The following SENP1 variants were observed in gnomAD, a reference collection of about 807,000 sequenced individuals.
The protein encoded by SENP1 is SUMO specific peptidase 1.
Under a neutral mutation model 93.0 loss-of-function variants are expected in SENP1, and 21 were observed. The observed-to-expected ratio is 0.23, with a 90% CI of 0.16 to 0.33. The LOEUF (loss-of-function observed/expected upper bound fraction) is 0.33. SENP1 is among the 10% of genes least tolerant of loss of function. The pLI is 1.00. For synonymous variants in SENP1, 256 were observed against 259.6 expected, an observed-to-expected ratio of 0.99 and a Z score of 0.13; for missense variants, 591 against 758.7, an observed-to-expected ratio of 0.78 and a Z score of 2.60.
chr12:48,099,977 T>C (rs146923563), intron 2 of SENP1, among the ~76,000 whole-genome samples: 1 of 152,154 alleles, frequency 6.6e-6, no homozygotes, highest in African/African-American at 2.4e-5. Context: ...GCAATAAACG[T>C]AACAGAATTC....
chr12:48,059,204 T>C (rs1942792772), intron 13 of SENP1, among the ~76,000 whole-genome samples: 1 of 152,144 alleles, frequency 6.6e-6, no homozygotes, highest in African/African-American at 2.4e-5. Flanking sequence ...ACACCACCTA[T>C]GCCCCCACCT....
At position 48,088,804 on chromosome 12, in the gene SENP1, G is replaced by A. The variant is rs1353472495; in HGVS notation, c.377C>T (p.Ser126Leu). Residue 126 changes from serine (S) to leucine (L), a missense_variant, in exon 5 of 18, where the codon TCA becomes TTA. Ser to Leu is a moderately radical substitution (Grantham distance 145). Coordinates refer to ENST00000549518, the MANE Select transcript of SENP1 (RefSeq NM_001267594.2). ...ACTAAGATGACAAAATACGAACCTTGAGGTCTTTCGGGTTTCGAGGTAAAG... is the reference window on the plus strand; with the variant it reads ...ACTAAGATGACAAAATACGAACCTTAAGGTCTTTCGGGTTTCGAGGTAAAG... ...RSLYLETRKT[S>L]SGLSNSFAGK... 2 of 1,609,112 alleles carry A rather than the reference G, an allele frequency of 1.2e-6. No individual in the cohort carries two copies. The highest frequency in any genetic ancestry group is 1.7e-6 in the Non-Finnish European group (2 of 1,177,728).
At chr12:48,102,146 C>T (rs766736056) in intron 1 of SENP1, among the ~76,000 whole-genome samples, 1 of 152,124 alleles carries the variant, frequency 6.6e-6, no homozygotes, top group Non-Finnish European at 1.5e-5. Flanking sequence ...AACTGCTGGC[C>T]GGGTGCAGTG....
chr12:48,077,913 T>C (rs1214857106), intron 6 of SENP1, among the ~76,000 whole-genome samples: 2 of 152,194 alleles, frequency 1.3e-5, no homozygotes, highest in Non-Finnish European at 2.9e-5. Flanking sequence ...CCTTGGCTAT[T>C]CAGGGATTTA....
Position 48,045,388 on chromosome 12 carries a change from T to C in SENP1, c.1873-4A>G, listed in dbSNP as rs752708035. The C allele has an allele frequency of 1.9e-6, 3 of 1,612,990 alleles. No individual in the cohort carries two copies. Among genetic ancestry groups the C allele is most frequent in the Non-Finnish European group, 2.5e-6 (3 of 1,179,050 alleles). ...TCCGGAAGTATGGCATGTGTTGCTG[T>C]AGGGACACAGAGACACCCTTAATTT... On this transcript the variant is annotated splice_region_variant and splice_polypyrimidine_tract_variant and intron_variant, in intron 17 of 17. Transcript: ENST00000549518.
intron 13 of SENP1, among the ~76,000 whole-genome samples, chr12:48,052,978 T>G (rs1941928685): frequency 6.6e-6 from 1 of 152,228 alleles, no homozygotes; most frequent in South Asian, 2.1e-4. Context: ...CTAGTTTTTT[T>G]CCTTCTTATG....
intron 6 of SENP1, chr12:48,080,043 C>A (rs1165458036): frequency 6.6e-6 from 1 of 152,168 alleles, no homozygotes; most frequent in Non-Finnish European, 1.5e-5. Flanking sequence ...CTAGAAGCAA[C>A]ATGTAACTGA....
Position 48,085,381 on chromosome 12 carries a change from G to A in SENP1, c.381-1619C>T, listed in dbSNP as rs957143437. ...GAGGACGCCAAGGACTCCACCCTGC[G>A]GAGGGCCAGGGGCATGTTCACTGCC... On this transcript the variant is annotated intron_variant, in intron 5 of 17. Coordinates refer to ENST00000549518, the MANE Select transcript of SENP1 (RefSeq NM_001267594.2). 65 of 1,321,102 alleles carry A rather than the reference G, an allele frequency of 4.9e-5. 1 individual carries two copies. In the Admixed American group the frequency reaches 8.8e-4, roughly 18 times the overall value. The allele number at this position is 1,321,102 out of a possible 1,614,324, so 81.8% of individuals were successfully genotyped here. A position where few individuals can be genotyped will look rare whatever the true frequency, so the allele number is the denominator to read the frequency against.
chr12:48,097,732 T>A (rs1383766172), intron 3 of SENP1: 1 of 294,322 alleles, frequency 3.4e-6, no homozygotes, highest in Admixed American at 4.6e-5. Context: ...CTGATCTGCA[T>A]ATAAGTAATT....
intron 5 of SENP1, among the ~76,000 whole-genome samples, chr12:48,085,988 G>A (rs1055412414): frequency 6.6e-6 from 1 of 152,178 alleles, no homozygotes; most frequent in African/African-American, 2.4e-5. Context: ...CAGAAAGCAA[G>A]GGTGTTACCC....
intron 13 of SENP1, among the ~76,000 whole-genome samples, chr12:48,053,148 C>T (rs557770779): frequency 3.9e-5 from 6 of 152,232 alleles, no homozygotes; most frequent in South Asian, 2.1e-4. Context: ...CAATTCCCCC[C>T]GTTCCCATCA....
intron 4 of SENP1, among the ~76,000 whole-genome samples, chr12:48,090,753 T>C (rs968548696): frequency 1.3e-5 from 2 of 152,080 alleles, no homozygotes; most frequent in Non-Finnish European, 1.5e-5. Flanking sequence ...CATACCATCA[T>C]ACATGCCTAA....
chr12:48,065,283 A>G (rs910119286), intron 11 of SENP1, 63 bp from the exon 12 acceptor site: 1 of 1,297,232 alleles, frequency 7.7e-7, no homozygotes, highest in Non-Finnish European at 1.1e-6. Flanking sequence ...TTGATTTATG[A>G]TAGGGTTATG....
At chr12:48,082,529 C>T (rs145974522) in intron 6 of SENP1, among the ~76,000 whole-genome samples, 53 of 151,818 alleles carry the variant, frequency 3.5e-4, no homozygotes, top group Admixed American at 1.4e-3. Context: ...GGATTAAAAA[C>T]AATAATACAC....
intron 10 of SENP1, among the ~76,000 whole-genome samples, chr12:48,066,547 T>C (rs184698499): frequency 3.0e-4 from 45 of 151,808 alleles, no homozygotes; most frequent in African/African-American, 1.1e-3. Flanking sequence ...AGTCTTACTC[T>C]GTTGCCCAGG....
chr12:48,088,080 G>T (rs557394403), intron 5 of SENP1, among the ~76,000 whole-genome samples: 131 of 150,542 alleles, frequency 8.7e-4, no homozygotes, highest in Admixed American at 2.2e-3. Context: ...CTGAGACGAG[G>T]TCACTCTGTC....
chr12:48,058,200 C>T (rs891627765), intron 13 of SENP1, among the ~76,000 whole-genome samples: 4 of 152,124 alleles, frequency 2.6e-5, no homozygotes, highest in African/African-American at 9.7e-5. Context: ...CCCGCCTCGG[C>T]CTCCCAAAAT....
chr12:48,079,623 G>T (rs946438146), intron 6 of SENP1, among the ~76,000 whole-genome samples: 1 of 152,266 alleles, frequency 6.6e-6, no homozygotes, highest in East Asian at 1.9e-4. Flanking sequence ...CGAGTGTTTT[G>T]AAGTATAAAA....
intron 1 of SENP1, chr12:48,105,219 A>C (rs2137426870): frequency 5.5e-6 from 2 of 365,706 alleles, no homozygotes; most frequent in East Asian, 1.3e-4. Context: ...AATATGAAGT[A>C]AAATGACTTT....
Sources: allele counts gnomAD v4.1 joint callset (sites outside exome capture counted in the v4.1 genomes callset), GRCh38; gene constraint gnomAD v4.1.1; transcripts MANE v1.5; gene names NCBI Gene and HGNC (gene_info 2026-07-23, HGNC 2026-07-21).